The following CRYM variants were observed in gnomAD, a reference collection of about 807,000 sequenced individuals.
The protein encoded by CRYM is crystallin mu.
Under a neutral mutation model 32.9 loss-of-function variants are expected in CRYM, and 18 were observed. That is an observed-to-expected ratio of 0.55 (90% CI 0.38 to 0.81). The LOEUF (loss-of-function observed/expected upper bound fraction) is 0.81, where lower values mean the gene tolerates loss of function less well. Among genes scored for constraint, CRYM ranks in the 30% least tolerant of loss-of-function variants. The probability of loss-of-function intolerance (pLI) is 0.00; values close to 1 mark genes in which losing one functional copy is unlikely to be tolerated. For missense variants in CRYM, 337 were observed against 393.5 expected (o/e 0.86, Z 1.21); for synonymous variants, 153 against 152.4 (o/e 1.00, Z -0.03).
At chr16:21,264,601 C>T (rs902809053) in intron 5 of CRYM, among the ~76,000 whole-genome samples, 1 of 152,130 alleles carries the variant, frequency 6.6e-6, no homozygotes, top group Non-Finnish European at 1.5e-5. Context: ...CTGTTGTCTG[C>T]GCTTGTGACA....
chr16:21,291,120 T>C (rs1012208874), intron 1 of CRYM, among the ~76,000 whole-genome samples: 17 of 152,224 alleles, frequency 1.1e-4, no homozygotes, highest in Non-Finnish European at 2.9e-5. Flanking sequence ...GAGACTTTTG[T>C]TATCCTGGGA....
At chr16:21,272,461 G>A (rs1474607437) in intron 3 of CRYM, among the ~76,000 whole-genome samples, 1 of 152,016 alleles carries the variant, frequency 6.6e-6, no homozygotes, top group African/African-American at 2.4e-5. Context: ...CAGGGCCTTT[G>A]CATGAATTAA....
chr16:21,282,682 A>T (rs2152863918), upstream of CRYM, among the ~76,000 whole-genome samples: 1 of 152,262 alleles, frequency 6.6e-6, no homozygotes, highest in South Asian at 2.1e-4. Flanking sequence ...AATAATAGGA[A>T]TTCACTCCAG....
At chr16:21,267,171 C>T (rs889419269) in intron 5 of CRYM, among the ~76,000 whole-genome samples, 1 of 151,910 alleles carries the variant, frequency 6.6e-6, no homozygotes, top group Non-Finnish European at 1.5e-5. Context: ...AATCTTGGCT[C>T]ACTGCAACCT....
chr16:21,278,165 C>A lies in CRYM; in HGVS notation c.87G>T (p.Thr29=), dbSNP rs1331683985. The change falls in exon 1 of 8, where the codon ACG becomes ACT. Residue 29 remains threonine (T), a synonymous_variant. Coordinates refer to ENST00000572914, the MANE Select transcript of CRYM (RefSeq NM_001376256.1). The part of the protein sequence containing the change: ...SSSLLIPPLE[T]ALANFSSGPE... ...GACCGCTGGAGAAGTTGGCCAGGGCCGTCTCTAGAGGCGGGATGAGGAGGC... is the reference window on the plus strand; with the variant it reads ...GACCGCTGGAGAAGTTGGCCAGGGCAGTCTCTAGAGGCGGGATGAGGAGGC... The A allele has an allele frequency of 1.3e-6, 2 of 1,554,874 alleles. No homozygotes were observed. Among genetic ancestry groups the A allele is most frequent in the Non-Finnish European group, 1.7e-6 (2 of 1,149,694 alleles).
intron 5 of CRYM, among the ~76,000 whole-genome samples, chr16:21,263,354 C>T (rs2093358051): frequency 6.6e-6 from 1 of 152,034 alleles, no homozygotes; most frequent in Non-Finnish European, 1.5e-5. Flanking sequence ...CGAGCCAAGA[C>T]TGCGCCACTG....
At position 21,269,890 on chromosome 16, in the gene CRYM, A is replaced by G. The variant is rs376592778; in HGVS notation, c.389T>C (p.Phe130Ser). Residue 130 changes from phenylalanine (F) to serine (S), a missense_variant and splice_region_variant, in exon 4 of 8, where the codon TTT becomes TCT. By Grantham distance (155) the Phe-to-Ser change is radical. Coordinates refer to ENST00000572914, the MANE Select transcript of CRYM (RefSeq NM_001376256.1). ...TAAVSAIATK[F>S]LKPPSSEVLC... ...CACTTCACTGCTGGGAGGTTTCAGA[A>G]ACTATATGAGAGAAATGAAGTGGCA... 2 of 1,611,734 alleles carry G rather than the reference A, an allele frequency of 1.2e-6. No individual in the cohort carries two copies. The highest frequency in any genetic ancestry group is 1.7e-6 in the Non-Finnish European group (2 of 1,177,884).
intron 4 of CRYM, 48 bp from the exon 5 acceptor site, chr16:21,267,785 TTA>T: frequency 1.2e-6 from 2 of 1,601,934 alleles, no homozygotes; most frequent in Non-Finnish European, 1.7e-6. Context: ...TTTTGGCTGC[TTA>T]TGTTACACTG....
At chr16:21,273,719 G>A (rs1043366642) in intron 3 of CRYM, among the ~76,000 whole-genome samples, 9 of 152,144 alleles carry the variant, frequency 5.9e-5, no homozygotes, top group Non-Finnish European at 7.4e-5. Context: ...TCTTTTATGC[G>A]TAAAATGAGG....
intron 1 of CRYM, among the ~76,000 whole-genome samples, chr16:21,291,250 G>C (rs897216295): frequency 1.3e-5 from 2 of 152,122 alleles, no homozygotes; most frequent in Non-Finnish European, 2.9e-5. Context: ...CTTGGGATGA[G>C]CATCAGCAAA....
At chr16:21,301,741 G>A (rs1015495725) in intron 1 of CRYM, among the ~76,000 whole-genome samples, 6 of 152,326 alleles carry the variant, frequency 3.9e-5, no homozygotes, top group Admixed American at 2.0e-4. Flanking sequence ...AGTGCAGCCA[G>A]CTCCCGGCCG....
At position 21,275,518 on chromosome 16, in the gene CRYM, G is replaced by A; in HGVS notation, c.387+14C>T. The stretch of plus-strand genomic sequence containing the variant: ...ACAGCTCACCTTAATGGTACAGCCA[G>A]CCATTCATCTTACCTTGGTGGCAAT... On this transcript the variant is annotated intron_variant, in intron 3 of 7. Coordinates refer to ENST00000572914, the MANE Select transcript of CRYM (RefSeq NM_001376256.1). The A allele has an allele frequency of 1.2e-6, 2 of 1,611,960 alleles. No homozygotes were observed. The highest frequency in any genetic ancestry group is 8.5e-7 in the Non-Finnish European group (1 of 1,178,094).
At chr16:21,285,637 G>A (rs2093406063) in intron 1 of CRYM, among the ~76,000 whole-genome samples, 1 of 152,194 alleles carries the variant, frequency 6.6e-6, no homozygotes, top group Admixed American at 6.5e-5. Flanking sequence ...AATAGCCAGT[G>A]TATCTAATTA....
Position 21,267,603 on chromosome 16 carries a change from T to C in CRYM, c.624A>G (p.Thr208=). Reference sequence around the variant, plus strand: ...CCCATTCACCAAACAAAATGGGCTCTGTTGCCAGGGTGACTGTGATGATCA... The same window carrying C: ...CCCATTCACCAAACAAAATGGGCTCCGTTGCCAGGGTGACTGTGATGATCA... ...ADVIITVTLA[T]EPILFGEWVK... is the part of the protein sequence containing the mutation. Residue 208 remains threonine, a synonymous_variant, in exon 5 of 8, where the codon ACA becomes ACG. Coordinates refer to ENST00000572914, the MANE Select transcript of CRYM (RefSeq NM_001376256.1). 6.2e-7 allele frequency: 1 copy of C among 1,614,212 alleles called. No homozygotes were observed. The highest frequency in any genetic ancestry group is 8.5e-7 in the Non-Finnish European group (1 of 1,180,024).
chr16:21,286,180 G>A (rs1375983122), intron 1 of CRYM, among the ~76,000 whole-genome samples: 1 of 151,704 alleles, frequency 6.6e-6, no homozygotes, highest in African/African-American at 2.4e-5. Flanking sequence ...CAATAATTGA[G>A]AATGACAAAT....
chr16:21,273,305 C>G (rs528918938), intron 3 of CRYM, among the ~76,000 whole-genome samples: 22 of 152,136 alleles, frequency 1.4e-4, no homozygotes, highest in South Asian at 4.1e-4. Context: ...ATTCTACTCT[C>G]AAGGCAACAA....
chr16:21,276,664 T>C lies in CRYM; in HGVS notation c.324+767A>G, dbSNP rs1334574995. Among the ~76,000 whole-genome samples, 7 of 152,286 alleles carry C rather than the reference T, an allele frequency of 4.6e-5. No homozygotes were observed. In the South Asian group the frequency reaches 1.0e-3, roughly 23 times the overall value. On this transcript the variant is annotated intron_variant, in intron 2 of 7. Coordinates refer to ENST00000572914, the MANE Select transcript of CRYM (RefSeq NM_001376256.1). ...AGGAATTTTGCAGAATTGAATGTGATCAGCGTCTCCTTCTTGGCACATAAG... is the reference window on the plus strand; with the variant it reads ...AGGAATTTTGCAGAATTGAATGTGACCAGCGTCTCCTTCTTGGCACATAAG...
At chr16:21,266,332 G>T (rs1348805876) in intron 5 of CRYM, among the ~76,000 whole-genome samples, 1 of 152,110 alleles carries the variant, frequency 6.6e-6, no homozygotes, top group Non-Finnish European at 1.5e-5. Context: ...AATAGTTCCT[G>T]CCTCATAAGT....
chr16:21,296,242 T>A (rs76445617), intron 1 of CRYM, among the ~76,000 whole-genome samples: 2,430 of 151,898 alleles, frequency 0.016, 86 homozygotes, highest in East Asian at 0.078. Context: ...CCAGCTGGAG[T>A]TTTTTAAGTA....
Sources: gnomAD v4.1 joint callset for allele counts (sites outside exome capture counted in the v4.1 genomes callset) on GRCh38, gnomAD v4.1.1 for gene constraint, MANE v1.5 for transcripts, NCBI Gene and HGNC (gene_info 2026-07-23, HGNC 2026-07-21) for gene names.